Variants in SPINK6 observed in about 807,000 individuals in gnomAD.
The protein encoded by SPINK6 is serine protease inhibitor Kazal-type 6.
Under a neutral mutation model 11.7 loss-of-function variants are expected in SPINK6, and 13 were observed. The ratio of observed to expected loss-of-function variants is 1.11; its 90% CI spans 0.72 to 1.76. The LOEUF (loss-of-function observed/expected upper bound fraction) is 1.76, where lower values mean the gene tolerates loss of function less well. SPINK6 is among the 40% of genes most tolerant of loss of function. SPINK6 has a pLI of 0.00. For synonymous variants in SPINK6, 21 were observed against 31.9 expected, an observed-to-expected ratio of 0.66 and a Z score of 1.15; for missense variants, 98 against 93.7, an observed-to-expected ratio of 1.05 and a Z score of -0.19.
chr5:148,215,109 T>C lies in SPINK6; in HGVS notation c.*159T>C. The C allele has an allele frequency of 1.7e-6, 1 of 589,598 alleles. No homozygotes were observed. Among genetic ancestry groups the C allele is most frequent in the Admixed American group, 3.2e-5 (1 of 31,246 alleles). 36.5% of individuals were successfully genotyped at this position (589,598 alleles called of 1,614,324 possible). A position where few individuals can be genotyped will look rare whatever the true frequency, so the allele number is the denominator to read the frequency against. Reference sequence around the variant, plus strand: ...TGTATGTCTATTTCTCTTGATTCACTTGTCAATAAAGTACATTCTGCAAAA... The same window carrying C: ...TGTATGTCTATTTCTCTTGATTCACCTGTCAATAAAGTACATTCTGCAAAA... On this transcript the variant is annotated 3_prime_UTR_variant, in exon 4 of 4. Transcript: ENST00000325630.
chr5:148,209,991 T>TACACACGTACGTATGTAGGTATAC (rs1398978551), intron 2 of SPINK6, among the ~76,000 whole-genome samples: 1 of 145,404 alleles, frequency 6.9e-6, no homozygotes, highest in African/African-American at 2.5e-5. Flanking sequence ...TATGTATACA[T>TACACACGTACGTATGTAGGTATAC]ATACACGTAT....
chr5:148,212,623 ATAT>A (rs1202322361), intron 2 of SPINK6, among the ~76,000 whole-genome samples: 10 of 102,620 alleles, frequency 9.7e-5, no homozygotes, highest in Admixed American at 2.7e-4. Flanking sequence ...TTTATATTAT[ATAT>A]TATATATTAT....
intron 2 of SPINK6, among the ~76,000 whole-genome samples, chr5:148,209,959 T>C (rs1339482278): frequency 6.6e-6 from 1 of 151,238 alleles, no homozygotes; most frequent in Non-Finnish European, 1.5e-5. Context: ...CATATATATG[T>C]ATACATACAT....
At position 148,215,005 on chromosome 5, in the gene SPINK6, C is replaced by T; in HGVS notation, c.*55C>T. ...CAGCTTTTGCAGCCTTCTTTTCTCA[C>T]TTCTGCTTATACTTTTGCTGGTGGA... is the stretch of plus-strand genomic sequence containing the variant. On this transcript the variant is annotated 3_prime_UTR_variant, in exon 4 of 4. Transcript: ENST00000325630. 1.9e-6 allele frequency: 3 copies of T among 1,549,880 alleles called. No individual in the cohort carries two copies. The highest frequency in any genetic ancestry group is 2.7e-6 in the Non-Finnish European group (3 of 1,122,716).
At chr5:148,204,231 A>G (rs1324354397) in intron 1 of SPINK6, among the ~76,000 whole-genome samples, 1 of 151,904 alleles carries the variant, frequency 6.6e-6, no homozygotes, top group Non-Finnish European at 1.5e-5. Flanking sequence ...TAGAAATACA[A>G]AAAAAATGGG....
chr5:148,213,188 C>G (rs1008336604), intron 2 of SPINK6, among the ~76,000 whole-genome samples: 3 of 151,758 alleles, frequency 2.0e-5, no homozygotes, highest in Non-Finnish European at 4.4e-5. Context: ...TTGTAAGGTT[C>G]ATCCATGTTT....
At chr5:148,214,055 T>C (rs758523849) in intron 3 of SPINK6, 30 bp downstream of exon 3, 2 of 1,372,940 alleles carry the variant, frequency 1.5e-6, no homozygotes, top group African/African-American at 1.4e-5. Flanking sequence ...AAGCTGACCC[T>C]TGCAAACACA....
chr5:148,209,973 T>TACATATGCATGTATACATACATACGC (rs1219289227), intron 2 of SPINK6, among the ~76,000 whole-genome samples: 2,317 of 141,668 alleles, frequency 0.016, 138 homozygotes, highest in African/African-American at 0.064. Context: ...CATACATACG[T>TACATATGCATGTATACATACATACGC]ACGTATGTAT....
chr5:148,212,919 A>C (rs1755631655), intron 2 of SPINK6, among the ~76,000 whole-genome samples: 1 of 145,976 alleles, frequency 6.9e-6, no homozygotes, highest in Non-Finnish European at 1.5e-5. Flanking sequence ...ATAAGAGTAT[A>C]TATGTACTTT....
At chr5:148,206,283 A>G (rs1755498680) in intron 2 of SPINK6, among the ~76,000 whole-genome samples, 1 of 152,230 alleles carries the variant, frequency 6.6e-6, no homozygotes, top group Non-Finnish European at 1.5e-5. Flanking sequence ...ATATAAATAA[A>G]AAATAGGATG....
intron 2 of SPINK6, among the ~76,000 whole-genome samples, 185 bp downstream of exon 2, chr5:148,206,243 AC>A (rs757613522): frequency 0.73 from 110,924 of 151,676 alleles, 42,901 homozygotes; most frequent in Non-Finnish European, 0.85. Flanking sequence ...ACCTAACCAC[AC>A]ATTCTCATAA....
Position 148,214,943 on chromosome 5 carries a change from A to G in SPINK6, c.236A>G (p.Lys79Arg). ...GGKISLKHPG[K>R]C ...AAGATTAGCCTAAAGCATCCTGGAA[A>G]ATGCTGAGTTAAAGCCAATGTTTCT... is the stretch of plus-strand genomic sequence containing the variant. The change falls in exon 4 of 4, where the codon AAA (lysine) becomes AGA (arginine). Residue 79 changes from lysine (K) to arginine (R), a missense_variant. By Grantham distance (26) the Lys-to-Arg change is conservative. Coordinates refer to ENST00000325630, the MANE Select transcript of SPINK6 (RefSeq NM_205841.4). 1 of 1,613,816 alleles carries G rather than the reference A, an allele frequency of 6.2e-7. No individual in the cohort carries two copies. Among genetic ancestry groups the G allele is most frequent in the Non-Finnish European group, 8.5e-7 (1 of 1,179,826 alleles).
At position 148,210,011 on chromosome 5, in the gene SPINK6, T is replaced by TACGTATGTATGA. The variant is rs1561732242; in HGVS notation, c.82-3898_82-3897insCGTATGTATGAA. 1.3e-5 allele frequency among the ~76,000 whole-genome samples: 2 copies of TACGTATGTATGA among 150,862 alleles called. 1 individual carries two copies. The highest frequency in any genetic ancestry group is 3.0e-5 in the Non-Finnish European group (2 of 67,418). ...ATACATATACACGTATGTATACATG[T>TACGTATGTATGA]ATGTACGCATGTACGCATGCACAAA... On this transcript the variant is annotated intron_variant, in intron 2 of 3. Coordinates refer to ENST00000325630, the MANE Select transcript of SPINK6 (RefSeq NM_205841.4).
chr5:148,212,824 A>C (rs1289161557), intron 2 of SPINK6, among the ~76,000 whole-genome samples: 1 of 138,738 alleles, frequency 7.2e-6, no homozygotes, highest in African/African-American at 2.7e-5. Flanking sequence ...TAGCAAGACT[A>C]TCTCTAAAGT....
intron 2 of SPINK6, among the ~76,000 whole-genome samples, chr5:148,210,009 T>TAC (rs1468415490): frequency 2.0e-4 from 29 of 145,028 alleles, no homozygotes; most frequent in East Asian, 4.6e-4. Context: ...TATGTATACA[T>TAC]GTATGTACGC....
intron 1 of SPINK6, among the ~76,000 whole-genome samples, chr5:148,203,420 T>C (rs1755460334): frequency 6.6e-6 from 1 of 152,226 alleles, no homozygotes; most frequent in Non-Finnish European, 1.5e-5. Flanking sequence ...AAGGTATTTC[T>C]ATCTCTGTTC....
Position 148,210,101 on chromosome 5 carries a change from T to C in SPINK6, c.82-3809T>C, listed in dbSNP as rs562358103. 4.8e-4 allele frequency among the ~76,000 whole-genome samples: 72 copies of C among 150,798 alleles called. 5 individuals carry two copies. The highest frequency in any genetic ancestry group is 1.6e-3 in the African/African-American group (67 of 41,044). ...ATATGTATGCATGTTTACATGTATG[T>C]ATGCACATATGTATGTATGTTTACA... On this transcript the variant is annotated intron_variant, in intron 2 of 3. Transcript: ENST00000325630.
intron 2 of SPINK6, among the ~76,000 whole-genome samples, chr5:148,213,503 C>T (rs971828921): frequency 6.6e-6 from 1 of 151,994 alleles, no homozygotes; most frequent in African/African-American, 2.4e-5. Context: ...CCAGCCCATC[C>T]ATGTTTTGAT....
At chr5:148,210,774 G>A (rs893607414) in intron 2 of SPINK6, among the ~76,000 whole-genome samples, 3 of 152,026 alleles carry the variant, frequency 2.0e-5, no homozygotes, top group Non-Finnish European at 2.9e-5. Flanking sequence ...CATATGTCAT[G>A]AGGAAATCAT....
Sources: allele counts gnomAD v4.1 joint callset (sites outside exome capture counted in the v4.1 genomes callset), GRCh38; gene constraint gnomAD v4.1.1; transcripts MANE v1.5; gene names NCBI Gene and HGNC (gene_info 2026-07-23, HGNC 2026-07-21).